Variants in INTS1 observed in about 807,000 individuals in gnomAD.
INTS1 encodes integrator complex subunit 1.
A neutral mutation model predicts 241.6 loss-of-function variants in INTS1; 137 were observed. The ratio of observed to expected loss-of-function variants is 0.57; its 90% CI spans 0.49 to 0.65. INTS1 has a LOEUF of 0.65. INTS1 is among the 30% of genes least tolerant of loss of function. The pLI, the probability that INTS1 is intolerant of heterozygous loss-of-function variation, is 0.00. For missense variants in INTS1, 3,073 were observed against 3,032.2 expected (o/e 1.01, Z -0.32); for synonymous variants, 1,692 against 1,337.8 (o/e 1.26, Z -5.78).
At chr7:1,492,858 C>T (rs1358491381) in intron 16 of INTS1, among the ~76,000 whole-genome samples, 152 bp downstream of exon 16, 4 of 118,526 alleles carry the variant, frequency 3.4e-5, no homozygotes, top group African/African-American at 1.3e-4. Flanking sequence ...GAGTGGGGAG[C>T]GGGGCGCGGG....
chr7:1,471,570 C>A lies in INTS1; in HGVS notation c.6255+1G>T, dbSNP rs112314352. The A allele has an allele frequency of 6.2e-7, 1 of 1,612,188 alleles. No individual in the cohort carries two copies. The highest frequency in any genetic ancestry group is 2.2e-5 in the East Asian group (1 of 44,874). On this transcript the variant is annotated splice_donor_variant, in intron 45 of 47. Coordinates refer to ENST00000404767, the MANE Select transcript of INTS1 (RefSeq NM_001080453.3). LOFTEE classifies it high-confidence loss of function. ...CTCTCCCTCAGCCCCATCCAGCTCA[C>A]CGAGAAGAAGCTCAGGATCTCGGGT...
intron 22 of INTS1, 61 bp downstream of exon 22, chr7:1,486,564 C>A: frequency 1.3e-6 from 2 of 1,547,164 alleles, no homozygotes; most frequent in South Asian, 2.4e-5. Flanking sequence ...CGTGCCCGGT[C>A]CCCAGCCTAC....
chr7:1,498,768 G>A lies in INTS1; in HGVS notation c.1222C>T (p.His408Tyr). 6.3e-7 allele frequency: 1 copy of A among 1,585,898 alleles called. No homozygotes were observed. The highest frequency in any genetic ancestry group is 8.6e-7 in the Non-Finnish European group (1 of 1,166,312). The change falls in exon 9 of 48, where the codon CAC becomes TAC. Residue 408 changes from histidine to tyrosine, a missense_variant. His to Tyr is a moderately conservative substitution (Grantham distance 83). Coordinates refer to ENST00000404767, the MANE Select transcript of INTS1 (RefSeq NM_001080453.3). ...GGCTTGAGGCGGATCTTGATCAGGT[G>A]TGAGATGACGTCCATGTCTTCGGAA... ...HGSEDMDVIS[H>Y]LIKIRLKPKV...
At chr7:1,472,103 A>G in intron 44 of INTS1, 170 bp downstream of exon 44, 1 of 608,428 alleles carries the variant, frequency 1.6e-6, no homozygotes, top group Non-Finnish European at 2.9e-6. Context: ...TGAGTTTCTA[A>G]GGCCCTCTCT....
At chr7:1,480,224 A>G (rs1781931116) in intron 30 of INTS1, 93 bp downstream of exon 30, 1 of 1,428,912 alleles carries the variant, frequency 7.0e-7, no homozygotes, top group Non-Finnish European at 9.3e-7. Flanking sequence ...GCGGTCACGC[A>G]AGTAAAGGCC....
At chr7:1,495,729 G>A (rs778717129) in intron 12 of INTS1, among the ~76,000 whole-genome samples, 176 bp from the exon 13 acceptor site, 1 of 152,234 alleles carries the variant, frequency 6.6e-6, no homozygotes, top group Non-Finnish European at 1.5e-5. Context: ...TGACCCTGAC[G>A]CGTGCGTGGG....
chr7:1,485,485 A>G lies in INTS1; in HGVS notation c.2977-16T>C. ...GCGACAAACCCTGTGGCAGACACTC[A>G]TGAGCTGGGCCGGCTTTCGGCAGTG... On this transcript the variant is annotated splice_polypyrimidine_tract_variant and intron_variant, in intron 22 of 47. Coordinates refer to ENST00000404767, the MANE Select transcript of INTS1 (RefSeq NM_001080453.3). The G allele has an allele frequency of 6.2e-7, 1 of 1,610,280 alleles. No homozygotes were observed. The highest frequency in any genetic ancestry group is 1.1e-5 in the South Asian group (1 of 90,966).
intron 24 of INTS1, 28 bp from the exon 25 acceptor site, chr7:1,484,198 G>A: frequency 6.3e-7 from 1 of 1,592,046 alleles, no homozygotes; most frequent in South Asian, 1.1e-5. Context: ...GGGCGTCAGA[G>A]GCTCCGAGAC....
chr7:1,501,354 G>A lies in INTS1; in HGVS notation c.350-988C>T, dbSNP rs888292092. The A allele has an allele frequency of 2.0e-5, 3 of 152,024 alleles. No homozygotes were observed. In the East Asian group the frequency reaches 5.8e-4, roughly 29 times the overall value. The allele number at this position is 152,024 out of a possible 1,614,324, so 9.4% of individuals were successfully genotyped here. A position where few individuals can be genotyped will look rare whatever the true frequency, so the allele number is the denominator to read the frequency against. ...ACATATCCACACACATGTGGACAGA[G>A]GCATTGTGATCTACCTTAACTGCGC... On this transcript the variant is annotated intron_variant, in intron 3 of 47. Coordinates refer to ENST00000404767, the MANE Select transcript of INTS1 (RefSeq NM_001080453.3).
Position 1,485,606 on chromosome 7 carries a change from G to A in INTS1, c.2977-137C>T, listed in dbSNP as rs973959129. On this transcript the variant is annotated intron_variant, in intron 22 of 47. Transcript: ENST00000404767. Reference sequence around the variant, plus strand: ...CTTGCTTCCCACGGGAGAGGCCGCAGGTAAAAGGGAAAAACGAGACTGAGC... The same window carrying A: ...CTTGCTTCCCACGGGAGAGGCCGCAAGTAAAAGGGAAAAACGAGACTGAGC... 141 of 864,646 alleles carry A rather than the reference G, an allele frequency of 1.6e-4. 1 individual carries two copies. The East Asian group carries it at 3.5e-3, about 22-fold the overall frequency. The allele number at this position is 864,646 out of a possible 1,614,324, so 53.6% of individuals were successfully genotyped here. A position where few individuals can be genotyped will look rare whatever the true frequency, so the allele number is the denominator to read the frequency against.
chr7:1,474,466 C>T, intron 40 of INTS1, 106 bp from the exon 41 acceptor site: 1 of 1,217,060 alleles, frequency 8.2e-7, no homozygotes. Flanking sequence ...CCCGTGCTGC[C>T]CCCCAACCAC....
In INTS1 at chr7:1,494,821, G is replaced by C; in HGVS notation, c.1905C>G (p.Asp635Glu). 6.4e-7 allele frequency: 1 copy of C among 1,563,224 alleles called. No homozygotes were observed. Among genetic ancestry groups the C allele is most frequent in the Non-Finnish European group, 8.7e-7 (1 of 1,154,730 alleles). ...YKWDNWPPES[D>E]RNFFLRLCSE... ...CCAGGCGGCAGCGCACTCACTTGCG[G>C]TCACTCTCGGGTGGCCAGTTGTCCC... The change falls in exon 14 of 48, where the codon GAC becomes GAG. Residue 635 changes from aspartate to glutamate, a missense_variant. Transcript: ENST00000404767.
At position 1,474,791 on chromosome 7, in the gene INTS1, G is replaced by T. The variant is rs367655126; in HGVS notation, c.5550C>A (p.Ser1850Arg). The T allele has an allele frequency of 1.3e-6, 2 of 1,585,866 alleles. No homozygotes were observed. Among genetic ancestry groups the T allele is most frequent in the East Asian group, 2.3e-5 (1 of 43,444 alleles). Residue 1850 changes from serine (S) to arginine (R), a missense_variant, in exon 40 of 48, where the codon AGC becomes AGA. Physicochemically the swap from Ser to Arg is moderately radical, Grantham distance 110. Coordinates refer to ENST00000404767, the MANE Select transcript of INTS1 (RefSeq NM_001080453.3). The part of the protein sequence containing the change: ...HRFITLLADT[S>R]DSRALENRGA... The stretch of plus-strand genomic sequence containing the variant: ...CTCGGTTCTCCAACGCCCGGGAGTC[G>T]CTGGTGTCCGCAAGGAGCGTGATGA...
In INTS1 at chr7:1,476,395, G is replaced by T; in HGVS notation, c.5212C>A (p.Leu1738Met). Residue 1738 changes from leucine to methionine, a missense_variant, in exon 38 of 48, where the codon CTG becomes ATG. By Grantham distance (15) the Leu-to-Met change is conservative. Transcript: ENST00000404767. ...QGPELISLVE[L>M]ILAEAETRSQ... ...CGCGTCTCCGCCTCGGCCAGGATCA[G>T]CTCCACCAGGCTGATGAGCTCCGGG... 6.3e-7 allele frequency: 1 copy of T among 1,576,444 alleles called. No individual in the cohort carries two copies.
chr7:1,499,478 C>A lies in INTS1; in HGVS notation c.839G>T (p.Gly280Val), dbSNP rs774738834. 13 of 1,598,558 alleles carry A rather than the reference C, an allele frequency of 8.1e-6. No homozygotes were observed. The highest frequency in any genetic ancestry group is 1.3e-5 in the African/African-American group (1 of 74,572). The change falls in exon 6 of 48, where the codon GGT becomes GTT. Residue 280 changes from glycine (G) to valine (V), a missense_variant. By Grantham distance (109) the Gly-to-Val change is moderately radical (BLOSUM62 -3). Coordinates refer to ENST00000404767, the MANE Select transcript of INTS1 (RefSeq NM_001080453.3). ...TGGCTGGCCGTGTGTCTCACCTGCA[C>A]CCAGGTCGCCCGCAACGCGGCCCGC... ...GEAGRVAGDL[G>V]AGSSPHPSLT... is the part of the protein sequence containing the mutation.
In INTS1 at chr7:1,478,939, G is replaced by C. The variant is rs866140707; in HGVS notation, c.4330-54C>G. On this transcript the variant is annotated intron_variant, in intron 31 of 47. Coordinates refer to ENST00000404767, the MANE Select transcript of INTS1 (RefSeq NM_001080453.3). ...CCTGGCAGAGGACACACGGGGACCC[G>C]GCACCCGAGGCCCAGAGCAGGGCCC... The C allele has an allele frequency of 3.6e-5, 56 of 1,540,272 alleles. No homozygotes were observed. The South Asian group carries it at 6.7e-4, about 18-fold the overall frequency.
chr7:1,472,903 G>A (rs748391375), intron 43 of INTS1, among the ~76,000 whole-genome samples, 169 bp downstream of exon 43: 19 of 152,212 alleles, frequency 1.2e-4, no homozygotes, highest in Non-Finnish European at 2.5e-4. Context: ...GCACCAGTCA[G>A]TGCTTCGTCC....
chr7:1,494,746 G>C (rs868765718), intron 14 of INTS1, 70 bp downstream of exon 14: 2 of 1,480,296 alleles, frequency 1.4e-6, no homozygotes, highest in African/African-American at 2.8e-5. Context: ...CCTTCCTGCC[G>C]CAGCCGGCCC....
In INTS1 at chr7:1,489,327, G is replaced by A. The variant is rs367618888; in HGVS notation, c.2318+17C>T. On this transcript the variant is annotated intron_variant, in intron 18 of 47. Coordinates refer to ENST00000404767, the MANE Select transcript of INTS1 (RefSeq NM_001080453.3). ...TGCTCCCCATCCCGGGCCCGCCGAG[G>A]GGACGTGCGCACTCACTTGGTCATC... 4 of 1,608,450 alleles carry A rather than the reference G, an allele frequency of 2.5e-6. No homozygotes were observed. In the African/African-American group the frequency reaches 5.3e-5, roughly 21 times the overall value.
Sources: gnomAD v4.1 joint callset for allele counts (sites outside exome capture counted in the v4.1 genomes callset) on GRCh38, gnomAD v4.1.1 for gene constraint, MANE v1.5 for transcripts, NCBI Gene and HGNC (gene_info 2026-07-23, HGNC 2026-07-21) for gene names.